The following SEMA3D variants were observed in gnomAD, a reference collection of about 807,000 sequenced individuals.
SEMA3D encodes the protein semaphorin 3D.
In SEMA3D, 84 loss-of-function variants were observed where a neutral mutation model predicts 100.1. The ratio of observed to expected loss-of-function variants is 0.84; its 90% CI spans 0.70 to 1.01. SEMA3D has a LOEUF of 1.01. Among genes scored for constraint, SEMA3D ranks in the 50% least tolerant of loss-of-function variants. The pLI is 0.00. For synonymous variants in SEMA3D, 312 were observed against 320.7 expected, an observed-to-expected ratio of 0.97 and a Z score of 0.29; for missense variants, 875 against 934.1, an observed-to-expected ratio of 0.94 and a Z score of 0.82.
At chr7:85,064,641 G>A (rs531289730) in intron 8 of SEMA3D, among the ~76,000 whole-genome samples, 2 of 152,202 alleles carry the variant, frequency 1.3e-5, no homozygotes, top group South Asian at 4.2e-4. Flanking sequence ...ATGCCTGCCT[G>A]CTTAAATTAC....
intron 2 of SEMA3D, among the ~76,000 whole-genome samples, chr7:85,151,021 T>A (rs1790364771): frequency 6.6e-6 from 1 of 151,902 alleles, no homozygotes; most frequent in Admixed American, 6.6e-5. Flanking sequence ...AAGCTTAATA[T>A]CACCTGAAAG....
At chr7:85,229,362 T>A in the SEMA3D span, among the ~76,000 whole-genome samples, 135 of 152,100 alleles carry the variant, frequency 8.9e-4, no homozygotes, top group Middle Eastern at 3.4e-3. Context: ...GCTATTTTTT[T>A]AAAAATACCC....
At chr7:85,130,894 G>A (rs1186817258) in intron 2 of SEMA3D, among the ~76,000 whole-genome samples, 1 of 152,040 alleles carries the variant, frequency 6.6e-6, no homozygotes, top group Non-Finnish European at 1.5e-5. Flanking sequence ...GCCAAGGTCT[G>A]TCACTTGCTT....
At chr7:85,200,189 A>C in the SEMA3D span, among the ~76,000 whole-genome samples, 2 of 152,190 alleles carry the variant, frequency 1.3e-5, no homozygotes, top group African/African-American at 4.8e-5. Context: ...AGATACTAAA[A>C]AATGTGGGAG....
At chr7:85,098,034 G>C in intron 3 of SEMA3D, 69 bp from the exon 4 acceptor site, 2 of 761,452 alleles carry the variant, frequency 2.6e-6, no homozygotes, top group Non-Finnish European at 3.8e-6. Context: ...AGAAAGGAGA[G>C]AAAGAAGAAA....
intron 1 of SEMA3D, among the ~76,000 whole-genome samples, chr7:85,184,543 T>C (rs187886880): frequency 1.2e-4 from 18 of 152,264 alleles, no homozygotes; most frequent in Middle Eastern, 3.4e-3. Flanking sequence ...ATAATGACAC[T>C]TGTATCATAT....
intron 3 of SEMA3D, among the ~76,000 whole-genome samples, chr7:85,119,578 G>C (rs1789348267): frequency 6.6e-6 from 1 of 152,082 alleles, no homozygotes. Context: ...TGGACACCTA[G>C]AGGGGAATAA....
At chr7:85,125,689 T>C (rs529445605) in intron 2 of SEMA3D, among the ~76,000 whole-genome samples, 3 of 152,100 alleles carry the variant, frequency 2.0e-5, no homozygotes, top group Non-Finnish European at 2.9e-5. Context: ...AACAATCCTA[T>C]AAATTCAATA....
intron 1 of SEMA3D, among the ~76,000 whole-genome samples, chr7:85,156,378 G>A (rs753907301): frequency 1.8e-4 from 27 of 152,036 alleles, no homozygotes; most frequent in South Asian, 8.3e-4. Context: ...GGGATTACAG[G>A]CGTGAGCCAC....
chr7:85,200,985 A>G, the SEMA3D span, among the ~76,000 whole-genome samples: 1 of 152,174 alleles, frequency 6.6e-6, no homozygotes, highest in Non-Finnish European at 1.5e-5. Context: ...TTCTCTTTGA[A>G]TTGTCTCATA....
rs951191363 is a variant in SEMA3D, at chr7:84,999,059, C to T, written c.*381G>A. ...ATCTGTTCATAAGAACATAGCACAA[C>T]TGCATGGTAAATTCCATGCTTAATG... On this transcript the variant is annotated 3_prime_UTR_variant, in exon 19 of 19. Coordinates refer to ENST00000284136, the MANE Select transcript of SEMA3D (RefSeq NM_001384900.1). 10 of 212,716 alleles carry T rather than the reference C, an allele frequency of 4.7e-5. No homozygotes were observed. Among genetic ancestry groups the T allele is most frequent in the African/African-American group, 1.9e-4 (8 of 42,992 alleles). The allele number at this position is 212,716 out of a possible 1,614,324, so 13.2% of individuals were successfully genotyped here.
intron 3 of SEMA3D, among the ~76,000 whole-genome samples, chr7:85,115,654 T>C (rs1254453481): frequency 6.6e-6 from 1 of 152,120 alleles, no homozygotes; most frequent in East Asian, 1.9e-4. Flanking sequence ...GGACAGACCT[T>C]ACATGTGCAA....
intron 1 of SEMA3D, among the ~76,000 whole-genome samples, chr7:85,171,928 T>C (rs2116549383): frequency 6.6e-6 from 1 of 151,850 alleles, no homozygotes; most frequent in African/African-American, 2.4e-5. Context: ...GAATAGAAAA[T>C]GACACATGCT....
intron 5 of SEMA3D, among the ~76,000 whole-genome samples, chr7:85,078,089 G>A (rs1224867479): frequency 6.6e-6 from 1 of 152,100 alleles, no homozygotes; most frequent in Non-Finnish European, 1.5e-5. Context: ...TGTATACAAT[G>A]ATTTCATACT....
rs17159596 is a variant in SEMA3D at position 85,068,466 on chromosome 7, T to C, written c.496-182A>G. Among the ~76,000 whole-genome samples, 972 of 152,240 alleles carry C rather than the reference T, an allele frequency of 6.4e-3. 9 individuals carry two copies. The highest frequency in any genetic ancestry group is 0.022 in the African/African-American group (930 of 41,564). On this transcript the variant is annotated intron_variant, in intron 6 of 18. Coordinates refer to ENST00000284136, the MANE Select transcript of SEMA3D (RefSeq NM_001384900.1). Reference sequence around the variant, plus strand: ...TATATCTGGCAAGACTTAATAACCATGTTTTGGTCTCCCTTGGCCCAAAGT... The same window carrying C: ...TATATCTGGCAAGACTTAATAACCACGTTTTGGTCTCCCTTGGCCCAAAGT...
intron 2 of SEMA3D, among the ~76,000 whole-genome samples, chr7:85,152,349 G>A (rs556106852): frequency 7.0e-4 from 106 of 152,156 alleles, no homozygotes; most frequent in African/African-American, 2.4e-3. Context: ...TTTGATCTCC[G>A]ATCACCAAAT....
chr7:85,081,418 A>AG, intron 5 of SEMA3D, 99 bp downstream of exon 5: 1 of 721,278 alleles, frequency 1.4e-6, no homozygotes, highest in East Asian at 2.7e-5. Flanking sequence ...TCTGAAAAAT[A>AG]ATACACTAAT....
At chr7:85,075,455 A>G (rs1791896599) in intron 5 of SEMA3D, among the ~76,000 whole-genome samples, 1 of 151,446 alleles carries the variant, frequency 6.6e-6, no homozygotes, top group South Asian at 2.1e-4. Context: ...AATCACACCT[A>G]TTTTATTTCC....
intron 18 of SEMA3D, 128 bp downstream of exon 18, chr7:85,006,674 G>T: frequency 1.5e-6 from 1 of 672,072 alleles, no homozygotes; most frequent in Non-Finnish European, 2.3e-6. Flanking sequence ...TTTGGTGTTA[G>T]TGAGTAAAAC....
Sources: gnomAD v4.1 joint callset for allele counts (sites outside exome capture counted in the v4.1 genomes callset) on GRCh38, gnomAD v4.1.1 for gene constraint, MANE v1.5 for transcripts, NCBI Gene and HGNC (gene_info 2026-07-23, HGNC 2026-07-21) for gene names.